MAGEC3: variants seen among roughly 807,000 people sequenced by gnomAD.
MAGEC3 encodes melanoma-associated antigen C3.
MAGEC3 carries 34 observed loss-of-function variants against 35.3 expected under a neutral mutation model. That is an observed-to-expected ratio of 0.96 (90% confidence interval 0.73 to 1.28). The LOEUF (loss-of-function observed/expected upper bound fraction) is 1.28, where lower values mean the gene tolerates loss of function less well. Ranked by LOEUF, MAGEC3 falls within the 50% of genes most tolerant of loss-of-function variation. The probability of loss-of-function intolerance (pLI) is 0.00; values close to 1 mark genes in which losing one functional copy is unlikely to be tolerated. For missense variants in MAGEC3, 561 were observed against 483.6 expected (o/e 1.16, Z -1.50); for synonymous variants, 202 against 185.6 (o/e 1.09, Z -0.72).
At chrX:141,889,542 T>TA (rs2124123871) in intron 4 of MAGEC3, among the ~76,000 whole-genome samples, 2 of 112,150 alleles carry the variant, frequency 1.8e-5, no homozygotes, top group South Asian at 7.5e-4. Context: ...AGAAAGGAGT[T>TA]ACAGTGTTTG....
chrX:141,872,409 T>C (rs1235081150), intron 2 of MAGEC3, among the ~76,000 whole-genome samples: 1 of 110,989 alleles, frequency 9.0e-6, no homozygotes, highest in Non-Finnish European at 1.9e-5. Context: ...GTGTCTGTTT[T>C]GTTCTAGGCA....
chrX:141,891,273 T>C (rs778399142), intron 4 of MAGEC3, among the ~76,000 whole-genome samples: 1 of 111,847 alleles, frequency 8.9e-6, no homozygotes, highest in South Asian at 3.7e-4. Context: ...GCAGTGACTT[T>C]GTATGTGTGC....
At position 141,896,899 on chromosome X, in the gene MAGEC3, G is replaced by A; in HGVS notation, c.1141G>A (p.Ala381Thr). Reference protein sequence around the residue: ...KKGGEDEDMPAAGMPPLPQSP... With the variant: ...KKGGEDEDMPTAGMPPLPQSP... ...TGTTCCAGAAGATGAGGATATGCCTGCTGCTGGGATGCCACCTCTTCCCCA... is the reference window on the plus strand; with the variant it reads ...TGTTCCAGAAGATGAGGATATGCCTACTGCTGGGATGCCACCTCTTCCCCA... Residue 381 changes from alanine (A) to threonine (T), a missense_variant, in exon 7 of 8, where the codon GCT (alanine) becomes ACT (threonine). Transcript: ENST00000298296. 8.4e-7 allele frequency: 1 copy of A among 1,183,931 alleles called. No homozygotes were observed. Among genetic ancestry groups the A allele is most frequent in the Non-Finnish European group, 1.1e-6 (1 of 881,590 alleles).
At chrX:141,853,290 G>A (rs183841134) in intron 1 of MAGEC3, among the ~76,000 whole-genome samples, 105 of 111,203 alleles carry the variant, frequency 9.4e-4, no homozygotes, top group African/African-American at 3.0e-3. Flanking sequence ...TGAATCACAC[G>A]CACTTCCACA....
chrX:141,881,361 G>T, intron 3 of MAGEC3, 42 bp from the exon 4 acceptor site: 1 of 1,165,018 alleles, frequency 8.6e-7, no homozygotes, highest in Non-Finnish European at 1.1e-6. Context: ...TCAATGAAGA[G>T]CCTAGCAGCC....
chrX:141,860,620 A>T (rs892883485), intron 1 of MAGEC3, among the ~76,000 whole-genome samples: 1 of 112,194 alleles, frequency 8.9e-6, no homozygotes, highest in African/African-American at 3.2e-5. Flanking sequence ...TTCCTCCTTA[A>T]ATATGAAGGA....
intron 1 of MAGEC3, among the ~76,000 whole-genome samples, chrX:141,860,973 T>G (rs1467009195): frequency 1.8e-5 from 2 of 111,718 alleles, no homozygotes; most frequent in African/African-American, 6.5e-5. Context: ...TTGGAGACCA[T>G]TTGTAATAGT....
chrX:141,861,575 A>G (rs1191470279), intron 1 of MAGEC3, among the ~76,000 whole-genome samples: 1 of 111,885 alleles, frequency 8.9e-6, no homozygotes, highest in Non-Finnish European at 1.9e-5. Flanking sequence ...GCATTGATAT[A>G]AAAAGTAGAC....
At chrX:141,848,363 C>T (rs187788747) in intron 1 of MAGEC3, among the ~76,000 whole-genome samples, 8 of 110,053 alleles carry the variant, frequency 7.3e-5, no homozygotes, top group Admixed American at 3.9e-4. Context: ...CAATATGATT[C>T]TATAAATAGG....
Position 141,896,404 on chromosome X carries a change from G to A in MAGEC3, c.1124-478G>A, listed in dbSNP as rs770117869. 3.2e-4 allele frequency: 352 copies of A among 1,099,779 alleles called. 1 individual carries two copies. The Middle Eastern group carries it at 4.1e-3, about 13-fold the overall frequency. The allele number at this position is 1,099,779 out of a possible 1,213,427, so 90.6% of individuals were successfully genotyped here. A position where few individuals can be genotyped will look rare whatever the true frequency, so the allele number is the denominator to read the frequency against. ...AGGCTCTGCCTGCCAGCTGTGCCCC[G>A]AGGTGCTTTCTCACATCCTCCTACA... is the stretch of plus-strand genomic sequence containing the variant. On this transcript the variant is annotated intron_variant, in intron 6 of 7. Coordinates refer to ENST00000298296, the MANE Select transcript of MAGEC3 (RefSeq NM_138702.1).
intron 1 of MAGEC3, among the ~76,000 whole-genome samples, chrX:141,861,022 T>C (rs1423963905): frequency 8.9e-6 from 1 of 111,785 alleles, no homozygotes; most frequent in Non-Finnish European, 1.9e-5. Context: ...AATTAAAATG[T>C]CTTTATTTGT....
At chrX:141,864,019 G>A (rs1175999407) in intron 1 of MAGEC3, among the ~76,000 whole-genome samples, 1 of 111,722 alleles carries the variant, frequency 9.0e-6, no homozygotes, top group African/African-American at 3.3e-5. Context: ...AGGCATAGGG[G>A]ATTCAACCCA....
chrX:141,873,351 C>T (rs2017900450), intron 2 of MAGEC3, among the ~76,000 whole-genome samples: 1 of 110,876 alleles, frequency 9.0e-6, no homozygotes, highest in Non-Finnish European at 1.9e-5. Flanking sequence ...TATTAAGGCG[C>T]ACTGTTTTAC....
intron 1 of MAGEC3, among the ~76,000 whole-genome samples, chrX:141,848,665 AT>A (rs1202611734): frequency 9.0e-6 from 1 of 111,572 alleles, no homozygotes; most frequent in Non-Finnish European, 1.9e-5. Context: ...TTGTTTATGG[AT>A]TGAAAGAATT....
Position 141,864,023 on chromosome X carries a change from C to G in MAGEC3, c.124-1448C>G, listed in dbSNP as rs749386735. On this transcript the variant is annotated intron_variant, in intron 1 of 7. Transcript: ENST00000298296. ...CTACAAAGGTGAGGCATAGGGGATT[C>G]AACCCAAATTGCTGTGCATGTCAAT... Among the ~76,000 whole-genome samples the G allele has an allele frequency of 1.8e-3, 205 of 111,689 alleles. 1 individual carries two copies. The highest frequency in any genetic ancestry group is 6.4e-3 in the African/African-American group (196 of 30,740).
intron 6 of MAGEC3, chrX:141,896,299 T>C (rs1602634569): frequency 7.1e-6 from 3 of 421,830 alleles, no homozygotes; most frequent in Admixed American, 1.0e-4. Flanking sequence ...CCTGACTGTG[T>C]ACCAAGGGCC....
At chrX:141,846,489 G>A (rs1226313510) in intron 1 of MAGEC3, among the ~76,000 whole-genome samples, 1 of 110,123 alleles carries the variant, frequency 9.1e-6, no homozygotes, top group Non-Finnish European at 1.9e-5. Context: ...AGGACAATGA[G>A]ATGAAAATAT....
chrX:141,857,722 C>G (rs1052598619), intron 1 of MAGEC3, among the ~76,000 whole-genome samples: 1 of 111,205 alleles, frequency 9.0e-6, no homozygotes, highest in Non-Finnish European at 1.9e-5. Context: ...TAACTACTCA[C>G]AGAGCCTTTC....
chrX:141,859,957 C>G (rs1164857727), intron 1 of MAGEC3, among the ~76,000 whole-genome samples: 3 of 112,087 alleles, frequency 2.7e-5, no homozygotes, highest in Non-Finnish European at 5.7e-5. Flanking sequence ...TCTGCCCTTC[C>G]CTCCTACCAC....
Sources: allele counts gnomAD v4.1 joint callset (sites outside exome capture counted in the v4.1 genomes callset), GRCh38; gene constraint gnomAD v4.1.1; transcripts MANE v1.5; gene names NCBI Gene and HGNC (gene_info 2026-07-23, HGNC 2026-07-21).